The following ZFP28 variants were observed in gnomAD, a reference collection of about 807,000 sequenced individuals.
ZFP28 encodes zinc finger protein 28 homolog.
In ZFP28, 31 loss-of-function variants were observed where a neutral mutation model predicts 39.5. That is an observed-to-expected ratio of 0.79 (90% CI 0.59 to 1.06). The LOEUF (loss-of-function observed/expected upper bound fraction) is 1.06. Ranked by LOEUF, ZFP28 falls within the 50% of genes least tolerant of loss-of-function variation. The pLI, the probability that ZFP28 is intolerant of heterozygous loss-of-function variation, is 0.00. For synonymous variants in ZFP28, 400 were observed against 378.6 expected (o/e 1.06, Z -0.66); for missense variants, 925 against 1,048.4 (o/e 0.88, Z 1.63).
Position 56,554,619 on chromosome 19 carries a change from A to G in ZFP28, c.1834A>G (p.Thr612Ala), listed in dbSNP as rs779402573. 6.2e-7 allele frequency: 1 copy of G among 1,613,742 alleles called. No homozygotes were observed. Among genetic ancestry groups the G allele is most frequent in the Non-Finnish European group, 8.5e-7 (1 of 1,179,658 alleles). The change falls in exon 8 of 8, where the codon ACT (threonine) becomes GCT (alanine). Residue 612 changes from threonine (T) to alanine (A), a missense_variant. Around this residue, in one of 2 missense-constraint regions of ZFP28, gnomAD observed 369 missense variants for 505.5 expected, o/e 0.73. Transcript: ENST00000301318. This position sits in a 1 kb window ranked among gnomAD's most constrained non-coding sequence, Gnocchi z 6.7. ...IHLASHLRIH[T>A]GEKPFECAEC... is the part of the protein sequence containing the mutation. ...CCTTGCCAGTCATTTAAGGATTCAT[A>G]CTGGGGAGAAGCCTTTTGAATGTGC...
chr19:56,547,952 A>T lies in ZFP28; in HGVS notation c.523+50A>T, dbSNP rs1305003519. 1.3e-6 allele frequency: 2 copies of T among 1,578,078 alleles called. No homozygotes were observed. Among genetic ancestry groups the T allele is most frequent in the South Asian group, 2.3e-5 (2 of 88,800 alleles). ...GTGAGGCCACTGCTGGTCATAGTTC[A>T]GCTGACTCAGACACGCAACATCTTC... On this transcript the variant is annotated intron_variant, in intron 4 of 7. Coordinates refer to ENST00000301318, the MANE Select transcript of ZFP28 (RefSeq NM_020828.2). This position sits in a 1 kb window ranked among gnomAD's most constrained non-coding sequence, Gnocchi z 4.6.
chr19:56,555,576 G>A lies in ZFP28; in HGVS notation c.*184G>A. The A allele has an allele frequency of 7.5e-6, 6 of 802,978 alleles. No homozygotes were observed. The South Asian group carries it at 1.3e-4, about 17-fold the overall frequency. The allele number at this position is 802,978 out of a possible 1,614,324, so 49.7% of individuals were successfully genotyped here. On this transcript the variant is annotated 3_prime_UTR_variant, in exon 8 of 8. Coordinates refer to ENST00000301318, the MANE Select transcript of ZFP28 (RefSeq NM_020828.2). Reference sequence around the variant, plus strand: ...TAATGTGTGAGATGTGCTCAGCACAGTGCCTGGTCCATAGTAAGTGCTCAG... The same window carrying A: ...TAATGTGTGAGATGTGCTCAGCACAATGCCTGGTCCATAGTAAGTGCTCAG...
At position 56,555,230 on chromosome 19, in the gene ZFP28, T is replaced by C. The variant is rs769311309; in HGVS notation, c.2445T>C (p.Tyr815=). ...ATACTGGAGAGAGATCTTATAACTA[T>C]AAGAAAAGCAGAAAAGTCTTCAGGC... ...RVHTGERSYN[Y]KKSRKVFRQT... The change falls in exon 8 of 8, where the codon TAT becomes TAC. Residue 815 remains tyrosine (Y), a synonymous_variant. Transcript: ENST00000301318. The C allele has an allele frequency of 6.2e-7, 1 of 1,614,142 alleles. No homozygotes were observed. Among genetic ancestry groups the C allele is most frequent in the Non-Finnish European group, 8.5e-7 (1 of 1,180,010 alleles).
rs1600544584 is a variant in ZFP28, at chr19:56,547,828, A to C, written c.449A>C (p.Asp150Ala). The C allele has an allele frequency of 3.7e-6, 6 of 1,614,116 alleles. No individual in the cohort carries two copies. In the East Asian group the frequency reaches 1.3e-4, roughly 36 times the overall value. Reference protein sequence around the residue: ...ASLGLCVSKPDVISSLEQGKE... With the variant: ...ASLGLCVSKPAVISSLEQGKE... ...CTAGGACTTTGTGTTTCTAAGCCCG[A>C]TGTGATCTCCTCGTTGGAACAAGGA... Residue 150 changes from aspartate to alanine, a missense_variant, in exon 4 of 8, where the codon GAT becomes GCT. Around this residue, in one of 2 missense-constraint regions of ZFP28, gnomAD observed 556 missense variants for 542.9 expected, o/e 1.02. Coordinates refer to ENST00000301318, the MANE Select transcript of ZFP28 (RefSeq NM_020828.2). This position sits in a 1 kb window ranked among gnomAD's most constrained non-coding sequence, Gnocchi z 4.6.
chr19:56,544,582 G>A (rs1385788435), intron 2 of ZFP28: 1 of 152,198 alleles, frequency 6.6e-6, no homozygotes, highest in Non-Finnish European at 1.5e-5. Context: ...CATGGACTGT[G>A]GAGTCAGACT....
In ZFP28 at chr19:56,550,587, A is replaced by AC. The variant is rs776645213; in HGVS notation, c.881dup (p.Gly295ArgfsTer12). The AC allele has an allele frequency of 1.8e-5, 29 of 1,614,142 alleles. No individual in the cohort carries two copies. In the South Asian group the frequency reaches 2.7e-4, roughly 15 times the overall value. ...GCCCTGGATGGTGAAGCGAGAGCTG[A>AC]CAGGAAGCCTGTTCTCAGGTGAGTG... On this transcript the variant is annotated frameshift_variant, in exon 7 of 8. Transcript: ENST00000301318. LOFTEE classifies it low-confidence loss of function (END_TRUNC).
chr19:56,548,836 C>A, intron 4 of ZFP28, 122 bp from the exon 5 acceptor site: 1 of 1,049,254 alleles, frequency 9.5e-7, no homozygotes, highest in African/African-American at 1.6e-5. Flanking sequence ...TTTTCATTTT[C>A]TTCCATAAAA....
At chr19:56,540,529 C>T (rs1333136859) in intron 2 of ZFP28, among the ~76,000 whole-genome samples, 2 of 152,210 alleles carry the variant, frequency 1.3e-5, no homozygotes, top group Non-Finnish European at 2.9e-5. Context: ...CCTACCCAAA[C>T]TGCTCTTGAG....
chr19:56,537,282 A>G (rs1004192207), upstream of ZFP28, among the ~76,000 whole-genome samples: 2 of 149,782 alleles, frequency 1.3e-5, no homozygotes, highest in African/African-American at 2.5e-5. Context: ...CCAGCTCTCT[A>G]CAGCTGTTCT....
At chr19:56,543,727 C>T (rs576404834) in intron 2 of ZFP28, among the ~76,000 whole-genome samples, 1 of 152,284 alleles carries the variant, frequency 6.6e-6, no homozygotes, top group East Asian at 1.9e-4. Context: ...AGAACAGGAC[C>T]TGCACATTTG....
At chr19:56,553,102 C>T (rs888769499) in intron 7 of ZFP28, 5 of 152,058 alleles carry the variant, frequency 3.3e-5, no homozygotes, top group South Asian at 2.1e-4. Flanking sequence ...GTCAACTATG[C>T]CTCAATAAAG....
rs2044248180 is a variant in ZFP28, at chr19:56,547,094, GGTGTC to G, written c.301-413_301-409del. On this transcript the variant is annotated intron_variant, in intron 2 of 7. Transcript: ENST00000301318. This position sits in a 1 kb window ranked among gnomAD's most constrained non-coding sequence, Gnocchi z 4.6. Reference sequence around the variant, plus strand: ...CTGCCAGAACAAATACCACAGAATGGGTGTCTTAAACAACAGAAATTTCTTTTCTC... The same window carrying G: ...CTGCCAGAACAAATACCACAGAATGGTTAAACAACAGAAATTTCTTTTCTC... 2 of 182,560 alleles carry G rather than the reference GGTGTC, an allele frequency of 1.1e-5. No individual in the cohort carries two copies. The allele number at this position is 182,560 out of a possible 1,614,324, so 11.3% of individuals were successfully genotyped here.
Position 56,538,966 on chromosome 19 carries a change from G to T in ZFP28, c.-53G>T. 3.1e-6 allele frequency: 4 copies of T among 1,303,618 alleles called. No homozygotes were observed. Among genetic ancestry groups the T allele is most frequent in the Non-Finnish European group, 3.9e-6 (4 of 1,023,394 alleles). The allele number at this position is 1,303,618 out of a possible 1,614,324, so 80.8% of individuals were successfully genotyped here. A position where few individuals can be genotyped will look rare whatever the true frequency, so the allele number is the denominator to read the frequency against. On this transcript the variant is annotated 5_prime_UTR_variant, in exon 1 of 8. Transcript: ENST00000301318. ...GGCGTGGCGGGCGGGTGTGGCCAGGGGTGTGGGTCTGTGAGGGACCGGTCG... is the reference window on the plus strand; with the variant it reads ...GGCGTGGCGGGCGGGTGTGGCCAGGTGTGTGGGTCTGTGAGGGACCGGTCG...
At position 56,555,527 on chromosome 19, in the gene ZFP28, A is replaced by T; in HGVS notation, c.*135A>T. ...TGTAACTTATTCACTCCTCTTGTAA[A>T]ACTTATAGTTTCTTTAAATTGGTTA... is the stretch of plus-strand genomic sequence containing the variant. On this transcript the variant is annotated 3_prime_UTR_variant, in exon 8 of 8. Coordinates refer to ENST00000301318, the MANE Select transcript of ZFP28 (RefSeq NM_020828.2). The T allele has an allele frequency of 8.0e-7, 1 of 1,247,462 alleles. No individual in the cohort carries two copies. The highest frequency in any genetic ancestry group is 1.5e-5 in the South Asian group (1 of 66,138). The allele number at this position is 1,247,462 out of a possible 1,614,324, so 77.3% of individuals were successfully genotyped here.
Position 56,547,700 on chromosome 19 carries a change from T to G in ZFP28, c.427+66T>G. ...ACGTCCTGGACTAAGAAGCCTTTCA[T>G]GCCTTTATCACCCAGACCTGCACTG... On this transcript the variant is annotated intron_variant, in intron 3 of 7. Transcript: ENST00000301318. This position sits in a 1 kb window ranked among gnomAD's most constrained non-coding sequence, Gnocchi z 4.6. 1.3e-6 allele frequency: 2 copies of G among 1,575,678 alleles called. No individual in the cohort carries two copies. The highest frequency in any genetic ancestry group is 1.7e-6 in the Non-Finnish European group (2 of 1,157,870).
In ZFP28 at chr19:56,554,895, A is replaced by G. The variant is rs747010457; in HGVS notation, c.2110A>G (p.Met704Val). Residue 704 changes from methionine (M) to valine (V), a missense_variant, in exon 8 of 8, where the codon ATG becomes GTG. By Grantham distance (21) the Met-to-Val change is conservative (BLOSUM62 1). Around this residue, in one of 2 missense-constraint regions of ZFP28, gnomAD observed 369 missense variants for 505.5 expected, o/e 0.73. Transcript: ENST00000301318. The surrounding 1 kb of genome is among the most constrained non-coding windows in gnomAD (Gnocchi z 6.7). ...VHTGEKPYKC[M>V]ECGKAFGDNS... Reference sequence around the variant, plus strand: ...CACTGGTGAGAAACCCTATAAATGTATGGAATGTGGGAAGGCCTTTGGTGA... The same window carrying G: ...CACTGGTGAGAAACCCTATAAATGTGTGGAATGTGGGAAGGCCTTTGGTGA... 21 of 1,614,042 alleles carry G rather than the reference A, an allele frequency of 1.3e-5. No individual in the cohort carries two copies. Among genetic ancestry groups the G allele is most frequent in the Non-Finnish European group, 1.5e-5 (18 of 1,180,020 alleles).
At position 56,555,238 on chromosome 19, in the gene ZFP28, G is replaced by A. The variant is rs142510339; in HGVS notation, c.2453G>A (p.Ser818Asn). 6.0e-4 allele frequency: 973 copies of A among 1,614,138 alleles called. 1 individual carries two copies. Among genetic ancestry groups the A allele is most frequent in the Middle Eastern group, 8.2e-4 (5 of 6,062 alleles). Reference sequence around the variant, plus strand: ...GAGAGATCTTATAACTATAAGAAAAGCAGAAAAGTCTTCAGGCAAACTGCT... The same window carrying A: ...GAGAGATCTTATAACTATAAGAAAAACAGAAAAGTCTTCAGGCAAACTGCT... ...TGERSYNYKK[S>N]RKVFRQTAHL... The change falls in exon 8 of 8, where the codon AGC becomes AAC. Residue 818 changes from serine to asparagine, a missense_variant. Physicochemically the swap from Ser to Asn is conservative, Grantham distance 46 (BLOSUM62 1). Coordinates refer to ENST00000301318, the MANE Select transcript of ZFP28 (RefSeq NM_020828.2).
Position 56,548,938 on chromosome 19 carries a change from A to G in ZFP28, c.524-20A>G, listed in dbSNP as rs2147956953. On this transcript the variant is annotated intron_variant, in intron 4 of 7. Transcript: ENST00000301318. ...CTAACACATGATAAAAGATAAATTT[A>G]CCTTCTTTACGTCTTTCAGACTTGA... The G allele has an allele frequency of 6.3e-7, 1 of 1,593,244 alleles. No homozygotes were observed. Among genetic ancestry groups the G allele is most frequent in the Non-Finnish European group, 8.5e-7 (1 of 1,172,896 alleles).
Position 56,553,750 on chromosome 19 carries a change from C to A in ZFP28, c.965C>A (p.Thr322Lys), listed in dbSNP as rs1215498749. ...CAAGATTCATATGCTGAAGGGGTAA[C>A]AGACAGAACCTCAAACACTAAACTT... Reference protein sequence around the residue: ...PKQDSYAEGVTDRTSNTKLDC... With the variant: ...PKQDSYAEGVKDRTSNTKLDC... Residue 322 changes from threonine (T) to lysine (K), a missense_variant, in exon 8 of 8, where the codon ACA (threonine) becomes AAA (lysine). Thr to Lys is a moderately conservative substitution (Grantham distance 78). Transcript: ENST00000301318. The A allele has an allele frequency of 1.9e-6, 3 of 1,614,066 alleles. No individual in the cohort carries two copies. Among genetic ancestry groups the A allele is most frequent in the Non-Finnish European group, 2.5e-6 (3 of 1,180,006 alleles).
Sources: gnomAD v4.1 joint callset for allele counts (sites outside exome capture counted in the v4.1 genomes callset) on GRCh38, gnomAD v4.1.1 for gene constraint, gnomAD v4.1.1 regional missense constraint, Gnocchi (gnomAD v3.1) non-coding constraint, MANE v1.5 for transcripts, NCBI Gene and HGNC (gene_info 2026-07-23, HGNC 2026-07-21) for gene names.